Variants in STK3 observed in about 807,000 individuals in gnomAD.
The protein encoded by STK3 is serine/threonine-protein kinase 3.
STK3 carries 41 observed loss-of-function variants against 58.0 expected under a neutral mutation model. That is an observed-to-expected ratio of 0.71 (90% CI 0.55 to 0.92). The LOEUF is 0.92. Ranked by LOEUF, STK3 falls within the 40% of genes least tolerant of loss-of-function variation. STK3 has a pLI of 0.00. For missense variants in STK3, 479 were observed against 602.7 expected (o/e 0.79, Z 2.15); for synonymous variants, 170 against 191.0 (o/e 0.89, Z 0.91).
At chr8:98,385,626 T>G (rs1817782946) in intron 1 of STK3, among the ~76,000 whole-genome samples, 1 of 152,080 alleles carries the variant, frequency 6.6e-6, no homozygotes, top group Non-Finnish European at 1.5e-5. Flanking sequence ...CCCTTCGCAG[T>G]GCCCCCGTCC....
downstream of STK3, among the ~76,000 whole-genome samples, chr8:98,367,981 C>G (rs1326928221): frequency 6.6e-6 from 1 of 152,238 alleles, no homozygotes; most frequent in Non-Finnish European, 1.5e-5. Context: ...TGGTTGCTGG[C>G]TTTCTTTGAC....
intron 8 of STK3, among the ~76,000 whole-genome samples, chr8:98,565,376 A>G (rs371752472): frequency 6.6e-6 from 1 of 152,142 alleles, no homozygotes; most frequent in East Asian, 1.9e-4. Context: ...ACAAATCCCA[A>G]AGAATCATGT....
intron 10 of STK3, among the ~76,000 whole-genome samples, chr8:98,499,593 G>C (rs1477242887): frequency 2.0e-5 from 3 of 152,176 alleles, no homozygotes; most frequent in Non-Finnish European, 4.4e-5. Flanking sequence ...GAGCATGGTA[G>C]AGAAATCCTA....
chr8:98,706,508 C>T lies in STK3; in HGVS notation c.643G>A (p.Ala215Thr). Residue 215 changes from alanine to threonine, a missense_variant, in exon 6 of 11, where the codon GCT (alanine) becomes ACT (threonine). Physicochemically the swap from Ala to Thr is moderately conservative, Grantham distance 58 (BLOSUM62 0). Transcript: ENST00000419617. ...TCAGCATAAGGAGGTTTTCCTTCAG[C>T]CATTTCTATAGAAGTAATGCCAAGG... is the stretch of plus-strand genomic sequence containing the variant. ...WSLGITSIEM[A>T]EGKPPYADIH... 6.2e-7 allele frequency: 1 copy of T among 1,613,556 alleles called. No individual in the cohort carries two copies. The highest frequency in any genetic ancestry group is 1.1e-5 in the South Asian group (1 of 90,946).
At chr8:98,540,545 G>A (rs1421159515) in intron 9 of STK3, among the ~76,000 whole-genome samples, 4 of 152,148 alleles carry the variant, frequency 2.6e-5, no homozygotes, top group African/African-American at 9.7e-5. Context: ...TCACCTTATA[G>A]CTTCATCCAA....
chr8:98,670,905 T>A (rs1226990769), intron 6 of STK3, among the ~76,000 whole-genome samples: 1 of 152,142 alleles, frequency 6.6e-6, no homozygotes, highest in African/African-American at 2.4e-5. Flanking sequence ...GGACAAGAAC[T>A]CGGGACCCAC....
At chr8:98,915,195 C>A (rs1839296805) in intron 1 of STK3, among the ~76,000 whole-genome samples, 1 of 151,786 alleles carries the variant, frequency 6.6e-6, no homozygotes, top group Admixed American at 6.6e-5. Flanking sequence ...GCAGACCCAC[C>A]CTTAATCTGG....
intron 1 of STK3, among the ~76,000 whole-genome samples, chr8:98,824,764 A>C (rs1370383709): frequency 2.6e-5 from 4 of 152,218 alleles, no homozygotes; most frequent in Non-Finnish European, 4.4e-5. Context: ...AAAGCATACG[A>C]ACTCTTTAAT....
At position 98,767,262 on chromosome 8, in the gene STK3, T is replaced by C. The variant is rs1831008218; in HGVS notation, c.217A>G (p.Ile73Val). 6.2e-7 allele frequency: 1 copy of C among 1,609,652 alleles called. No homozygotes were observed. Among genetic ancestry groups the C allele is most frequent in the South Asian group, 1.1e-5 (1 of 90,164 alleles). The change falls in exon 3 of 11, where the codon ATA (isoleucine) becomes GTA (valine). Residue 73 changes from isoleucine to valine, a missense_variant. Ile to Val is a conservative substitution (Grantham distance 29). Transcript: ENST00000419617. ...DLQEIIKEIS[I>V]MQQCDSPYVV... ...TCATACCTGTCACATTGCTGCATTA[T>C]GGAAATTTCTTTGATTATTTCCTGA...
At chr8:98,581,761 G>A (rs1378328388) in intron 7 of STK3, among the ~76,000 whole-genome samples, 1 of 151,722 alleles carries the variant, frequency 6.6e-6, no homozygotes, top group African/African-American at 2.4e-5. Flanking sequence ...GAAACCCCAG[G>A]GAACTCACAG....
At chr8:98,694,357 T>A (rs1045938823) in intron 6 of STK3, among the ~76,000 whole-genome samples, 1 of 152,052 alleles carries the variant, frequency 6.6e-6, no homozygotes, top group African/African-American at 2.4e-5. Flanking sequence ...AAATAATTCT[T>A]TTTTTTTCAT....
intron 4 of STK3, among the ~76,000 whole-genome samples, chr8:98,723,900 G>A (rs899027745): frequency 2.6e-5 from 4 of 151,996 alleles, no homozygotes; most frequent in African/African-American, 9.7e-5. Context: ...TATATTCCTC[G>A]AGTCAGGATT....
At chr8:98,714,243 C>T (rs527288456) in intron 4 of STK3, among the ~76,000 whole-genome samples, 3 of 152,264 alleles carry the variant, frequency 2.0e-5, no homozygotes, top group South Asian at 2.1e-4. Context: ...CCTCTCTCAC[C>T]GCTCCTATTC....
chr8:98,451,199 T>C (rs1162410847), downstream of STK3, among the ~76,000 whole-genome samples: 1 of 152,158 alleles, frequency 6.6e-6, no homozygotes, highest in Non-Finnish European at 1.5e-5. Flanking sequence ...TTTTTTTTGT[T>C]TGAGCTCATG....
chr8:98,851,927 G>A (rs1009152401), intron 3 of STK3, among the ~76,000 whole-genome samples: 2 of 152,190 alleles, frequency 1.3e-5, no homozygotes, highest in African/African-American at 4.8e-5. Context: ...GTTCGAGGCT[G>A]TAGTGAGCTA....
intron 4 of STK3, among the ~76,000 whole-genome samples, chr8:98,729,585 C>T (rs1046332213): frequency 6.6e-6 from 1 of 152,216 alleles, no homozygotes; most frequent in Non-Finnish European, 1.5e-5. Context: ...TACCCAAATA[C>T]ATCTGGTAGA....
chr8:98,718,218 T>C (rs1827163424), intron 4 of STK3, among the ~76,000 whole-genome samples: 1 of 152,142 alleles, frequency 6.6e-6, no homozygotes, highest in Admixed American at 6.5e-5. Flanking sequence ...TTTGTTTATG[T>C]GTATCTTGGC....
At chr8:98,917,865 C>T (rs2131998785) in intron 1 of STK3, among the ~76,000 whole-genome samples, 1 of 152,272 alleles carries the variant, frequency 6.6e-6, no homozygotes, top group African/African-American at 2.4e-5. Context: ...GGTGCCAAGA[C>T]TTCGAAGCCA....
chr8:98,870,794 C>T (rs560088244), intron 3 of STK3, among the ~76,000 whole-genome samples: 2 of 152,216 alleles, frequency 1.3e-5, no homozygotes, highest in East Asian at 3.9e-4. Context: ...CTATAGGTTG[C>T]CTGTTCACTC....
Sources: allele counts gnomAD v4.1 joint callset (sites outside exome capture counted in the v4.1 genomes callset), GRCh38; gene constraint gnomAD v4.1.1; transcripts MANE v1.5; gene names NCBI Gene and HGNC (gene_info 2026-07-23, HGNC 2026-07-21).